The following TRNAU1AP variants were observed in gnomAD, a reference collection of about 807,000 sequenced individuals.
TRNAU1AP encodes the protein tRNA selenocysteine 1 associated protein 1.
Under a neutral mutation model 43.3 loss-of-function variants are expected in TRNAU1AP, and 33 were observed. The ratio of observed to expected loss-of-function variants is 0.76; its 90% CI spans 0.58 to 1.02. The LOEUF is 1.02. Ranked by LOEUF, TRNAU1AP falls within the 50% of genes least tolerant of loss-of-function variation. TRNAU1AP has a pLI of 0.00. For missense variants in TRNAU1AP, 290 were observed against 362.7 expected, an observed-to-expected ratio of 0.80 and a Z score of 1.63; for synonymous variants, 143 against 129.1, an observed-to-expected ratio of 1.11 and a Z score of -0.73.
At chr1:28,574,997 G>T (rs1665741263) in intron 8 of TRNAU1AP, among the ~76,000 whole-genome samples, 1 of 152,140 alleles carries the variant, frequency 6.6e-6, no homozygotes, top group Admixed American at 6.6e-5. Flanking sequence ...GTGATCTGCT[G>T]AGGGTCACAC....
intron 6 of TRNAU1AP, among the ~76,000 whole-genome samples, chr1:28,568,777 A>C (rs1557436474): frequency 6.6e-6 from 1 of 151,786 alleles, no homozygotes; most frequent in African/African-American, 2.4e-5. Context: ...CAATAGATCC[A>C]GGGCTGAGAA....
At chr1:28,575,470 T>G (rs1487192878) in intron 8 of TRNAU1AP, among the ~76,000 whole-genome samples, 1 of 151,236 alleles carries the variant, frequency 6.6e-6, no homozygotes, top group African/African-American at 2.4e-5. Context: ...TTTTTGTTTT[T>G]TTTTTTTTTG....
intron 2 of TRNAU1AP, among the ~76,000 whole-genome samples, chr1:28,554,842 CAAAAA>C (rs1226365120): frequency 1.1e-5 from 1 of 93,762 alleles, no homozygotes; most frequent in Non-Finnish European, 2.3e-5. Context: ...GACTCTGTCT[CAAAAA>C]AAAAAAAAAA....
Position 28,564,846 on chromosome 1 carries a change from C to G in TRNAU1AP, c.410+12C>G, listed in dbSNP as rs372760001. The G allele has an allele frequency of 2.5e-6, 4 of 1,613,786 alleles. No homozygotes were observed. The highest frequency in any genetic ancestry group is 2.7e-5 in the African/African-American group (2 of 74,900). ...ACAGGCGTGTCTAAGTAAGGCCTTA[C>G]TTGTTACTGATGCTTAACTGTGTTA... On this transcript the variant is annotated intron_variant, in intron 5 of 8. Coordinates refer to ENST00000373830, the MANE Select transcript of TRNAU1AP (RefSeq NM_017846.5).
chr1:28,561,299 T>C, intron 3 of TRNAU1AP, 47 bp from the exon 4 acceptor site: 1 of 1,612,358 alleles, frequency 6.2e-7, no homozygotes, highest in Non-Finnish European at 8.5e-7. Context: ...TGTTCAACTC[T>C]TGAAACACCT....
chr1:28,571,035 A>C, intron 6 of TRNAU1AP, 141 bp from the exon 7 acceptor site: 1 of 731,664 alleles, frequency 1.4e-6, no homozygotes, highest in Non-Finnish European at 2.2e-6. Flanking sequence ...CCTGTACTCC[A>C]GCCTAGGCAA....
intron 6 of TRNAU1AP, among the ~76,000 whole-genome samples, chr1:28,570,968 G>A (rs994852222): frequency 1.3e-5 from 2 of 152,092 alleles, no homozygotes; most frequent in Non-Finnish European, 2.9e-5. Context: ...AGGAGGCTGA[G>A]GCAGGAGAAT....
At chr1:28,571,779 C>A in intron 7 of TRNAU1AP, 88 bp from the exon 8 acceptor site, 1 of 894,368 alleles carries the variant, frequency 1.1e-6, no homozygotes. Flanking sequence ...CTAGACTCCA[C>A]CTCAAAAAAA....
chr1:28,556,318 G>A (rs1159858644), intron 2 of TRNAU1AP, among the ~76,000 whole-genome samples: 3 of 151,742 alleles, frequency 2.0e-5, no homozygotes, highest in African/African-American at 7.2e-5. Context: ...ACAAAAATTA[G>A]CCAGGTGTGG....
rs568513509 is a variant in TRNAU1AP at position 28,555,916 on chromosome 1, C to T, written c.125+2179C>T. On this transcript the variant is annotated intron_variant, in intron 2 of 8. Coordinates refer to ENST00000373830, the MANE Select transcript of TRNAU1AP (RefSeq NM_017846.5). The stretch of plus-strand genomic sequence containing the variant: ...TGGCCCAGGCTGGTGTGCAGTGGCA[C>T]GATCTCGGCTCACTGCAAGCTCCAC... Among the ~76,000 whole-genome samples, 71 of 150,574 alleles carry T rather than the reference C, an allele frequency of 4.7e-4. No individual in the cohort carries two copies. In the South Asian group the frequency reaches 7.3e-3, roughly 16 times the overall value.
intron 3 of TRNAU1AP, 193 bp downstream of exon 3, chr1:28,560,925 TA>T: frequency 2.3e-6 from 2 of 884,072 alleles, no homozygotes; most frequent in Non-Finnish European, 3.3e-6. Flanking sequence ...ACACAGGTAG[TA>T]AATGGCAGAG....
intron 4 of TRNAU1AP, among the ~76,000 whole-genome samples, chr1:28,562,186 AC>A (rs1455535399): frequency 6.6e-6 from 1 of 152,238 alleles, no homozygotes; most frequent in Non-Finnish European, 1.5e-5. Context: ...AGCTTAAAAA[AC>A]ATTTATATGC....
chr1:28,560,794 T>C, intron 3 of TRNAU1AP, 62 bp downstream of exon 3: 1 of 1,333,826 alleles, frequency 7.5e-7, no homozygotes. Context: ...CTACCATCTA[T>C]TGAATCCCTA....
intron 5 of TRNAU1AP, among the ~76,000 whole-genome samples, chr1:28,566,248 G>C (rs13373966): frequency 6.6e-6 from 1 of 150,488 alleles, no homozygotes; most frequent in Non-Finnish European, 1.5e-5. Flanking sequence ...CTGGGAGGCC[G>C]AGGTTGCAGT....
chr1:28,557,469 C>CT (rs753718490), intron 2 of TRNAU1AP, among the ~76,000 whole-genome samples: 10,124 of 118,094 alleles, frequency 0.086, 551 homozygotes, highest in African/African-American at 0.16. Flanking sequence ...TTACATGTTT[C>CT]TTTTTTTTTT....
At chr1:28,564,580 A>C in intron 4 of TRNAU1AP, 123 bp from the exon 5 acceptor site, 1 of 1,209,698 alleles carries the variant, frequency 8.3e-7, no homozygotes, top group Non-Finnish European at 1.1e-6. Context: ...GGGCTGGTTA[A>C]GTAGACCCAT....
intron 2 of TRNAU1AP, among the ~76,000 whole-genome samples, chr1:28,558,339 C>T (rs1184512784): frequency 4.7e-5 from 7 of 149,846 alleles, no homozygotes; most frequent in Non-Finnish European, 1.0e-4. Flanking sequence ...CTCAGCCTCC[C>T]GAGTAGCTGG....
intron 4 of TRNAU1AP, among the ~76,000 whole-genome samples, chr1:28,564,014 CA>C (rs1332598283): frequency 2.6e-5 from 4 of 152,108 alleles, no homozygotes; most frequent in African/African-American, 9.7e-5. Context: ...CCTGTAATCC[CA>C]GCACTTTGGG....
At chr1:28,558,671 TCTC>T (rs1665334622) in intron 2 of TRNAU1AP, among the ~76,000 whole-genome samples, 1 of 151,436 alleles carries the variant, frequency 6.6e-6, no homozygotes, top group Non-Finnish European at 1.5e-5. Context: ...TTCACGCCAT[TCTC>T]CTGCCTCAGC....
Sources: gnomAD v4.1 joint callset for allele counts (sites outside exome capture counted in the v4.1 genomes callset) on GRCh38, gnomAD v4.1.1 for gene constraint, MANE v1.5 for transcripts, NCBI Gene and HGNC (gene_info 2026-07-23, HGNC 2026-07-21) for gene names.